The following C8orf74 variants were observed in gnomAD, a reference collection of about 807,000 sequenced individuals.
The protein encoded by C8orf74 is uncharacterized protein C8orf74.
A neutral mutation model predicts 22.2 loss-of-function variants in C8orf74; 29 were observed. The observed-to-expected ratio is 1.31, with a 90% confidence interval of 0.97 to 1.78. C8orf74 has a LOEUF of 1.78. Ranked by LOEUF, C8orf74 falls within the 40% of genes most tolerant of loss-of-function variation. The probability of loss-of-function intolerance (pLI) is 0.00; values close to 1 mark genes in which losing one functional copy is unlikely to be tolerated. For missense variants in C8orf74, 515 were observed against 369.9 expected (o/e 1.39, Z -3.22); for synonymous variants, 255 against 163.1 (o/e 1.56, Z -4.30).
intron 2 of C8orf74, among the ~76,000 whole-genome samples, chr8:10,696,446 T>C (rs60771776): frequency 6.7e-4 from 79 of 117,340 alleles, no homozygotes; most frequent in South Asian, 1.6e-3. Context: ...CTTTTCTTTT[T>C]TTTTTTTTTT....
chr8:10,686,245 G>T (rs1481172783), intron 2 of C8orf74, among the ~76,000 whole-genome samples: 3 of 152,150 alleles, frequency 2.0e-5, no homozygotes, highest in Non-Finnish European at 4.4e-5. Flanking sequence ...CTTGGAGTTG[G>T]AGGATCTGGA....
chr8:10,690,462 C>A (rs1236756479), intron 2 of C8orf74, among the ~76,000 whole-genome samples: 1 of 152,132 alleles, frequency 6.6e-6, no homozygotes, highest in Non-Finnish European at 1.5e-5. Context: ...GATGCTGGGC[C>A]CTTGCTTTCG....
At chr8:10,681,200 C>T (rs1428451519) in intron 2 of C8orf74, among the ~76,000 whole-genome samples, 2 of 152,100 alleles carry the variant, frequency 1.3e-5, no homozygotes, top group African/African-American at 2.4e-5. Context: ...TCAAAAGCTT[C>T]AGCTGGCTCT....
At chr8:10,699,674 C>A (rs1385699749) in intron 3 of C8orf74, among the ~76,000 whole-genome samples, 2 of 152,216 alleles carry the variant, frequency 1.3e-5, no homozygotes, top group Non-Finnish European at 2.9e-5. Context: ...CTTCCTATGG[C>A]TGGCTGGGTG....
At chr8:10,694,719 A>T (rs1047534324) in intron 2 of C8orf74, among the ~76,000 whole-genome samples, 1 of 152,238 alleles carries the variant, frequency 6.6e-6, no homozygotes, top group African/African-American at 2.4e-5. Context: ...TTCTTTTGGC[A>T]TAGTGAATTG....
At chr8:10,693,237 G>A (rs985283245) in intron 2 of C8orf74, among the ~76,000 whole-genome samples, 4 of 152,158 alleles carry the variant, frequency 2.6e-5, no homozygotes, top group Non-Finnish European at 4.4e-5. Flanking sequence ...TGCACAAGCT[G>A]CTCCCCCTCT....
intron 1 of C8orf74, among the ~76,000 whole-genome samples, chr8:10,673,004 C>T (rs912233856): frequency 1.3e-5 from 2 of 152,068 alleles, no homozygotes. Flanking sequence ...GAGGGTCCTG[C>T]GAGCCACTGT....
At chr8:10,679,770 T>C (rs1799109250) in intron 2 of C8orf74, 1 of 152,382 alleles carries the variant, frequency 6.6e-6, no homozygotes, top group African/African-American at 2.4e-5. Flanking sequence ...CCCTTCCCTG[T>C]GATGTCTGCG....
intron 2 of C8orf74, among the ~76,000 whole-genome samples, chr8:10,683,429 A>C (rs1799193992): frequency 6.6e-6 from 1 of 152,192 alleles, no homozygotes; most frequent in African/African-American, 2.4e-5. Flanking sequence ...CTTACTGGTC[A>C]GCCTTGGAGC....
intron 2 of C8orf74, among the ~76,000 whole-genome samples, chr8:10,677,866 C>T (rs1011661818): frequency 6.6e-5 from 10 of 152,144 alleles, no homozygotes; most frequent in African/African-American, 1.9e-4. Context: ...CACTAAAGCC[C>T]GTAACCATTT....
chr8:10,700,063 C>T (rs935602676), intron 3 of C8orf74, among the ~76,000 whole-genome samples, 172 bp from the exon 4 acceptor site: 2 of 152,210 alleles, frequency 1.3e-5, no homozygotes, highest in African/African-American at 4.8e-5. Flanking sequence ...CCTCCCGCCC[C>T]TAGTTGGCTG....
chr8:10,692,131 C>G (rs1799394565), intron 2 of C8orf74: 1 of 152,312 alleles, frequency 6.6e-6, no homozygotes, highest in African/African-American at 2.4e-5. Flanking sequence ...CAATTGATGG[C>G]AGGCCTGCAC....
Position 10,697,974 on chromosome 8 carries a change from C to T in C8orf74, c.617C>T (p.Pro206Leu). The T allele has an allele frequency of 1.3e-6, 2 of 1,515,338 alleles. No homozygotes were observed. Among genetic ancestry groups the T allele is most frequent in the South Asian group, 1.3e-5 (1 of 78,766 alleles). 93.9% of individuals were successfully genotyped at this position (1,515,338 alleles called of 1,614,324 possible). Residue 206 changes from proline (P) to leucine (L), a missense_variant, in exon 3 of 4, where the codon CCT becomes CTT. Pro to Leu is a moderately conservative substitution (Grantham distance 98). Transcript: ENST00000304519. ...SLQKAFAAAA[P>L]AQPGQVLERQ... ...CAGAAGGCGTTCGCTGCCGCCGCGC[C>T]TGCGCAGCCCGGCCAGGTCCTGGAG...
In C8orf74 at chr8:10,687,644, G is replaced by C. The variant is rs548061418; in HGVS notation, c.242-9955G>C. Among the ~76,000 whole-genome samples, 218 of 148,710 alleles carry C rather than the reference G, an allele frequency of 1.5e-3. 4 individuals are homozygous for C. The Middle Eastern group carries it at 0.024, about 17-fold the overall frequency. On this transcript the variant is annotated intron_variant, in intron 2 of 3. Coordinates refer to ENST00000304519, the MANE Select transcript of C8orf74 (RefSeq NM_001040032.2). ...AAAAAAAAAAAAAAAAAAAGAAAGA[G>C]ATTGTATTAGAAAAACTGCTTCCAG...
rs368483018 is a variant in C8orf74, at chr8:10,672,670, C to T, written c.5C>T (p.Ala2Val). M[A>V]LLTPQGVKEV... is the part of the protein sequence containing the mutation. Reference sequence around the variant, plus strand: ...TGGCAACCAGATGCAGGGGCCATGGCACTCTTAACACCCCAGGGAGTGAAA... The same window carrying T: ...TGGCAACCAGATGCAGGGGCCATGGTACTCTTAACACCCCAGGGAGTGAAA... The change falls in exon 1 of 4, where the codon GCA becomes GTA. Residue 2 changes from alanine (A) to valine (V), a missense_variant. Transcript: ENST00000304519. The T allele has an allele frequency of 9.6e-6, 15 of 1,565,088 alleles. No homozygotes were observed. In the South Asian group the frequency reaches 1.5e-4, roughly 16 times the overall value.
chr8:10,692,168 G>C (rs1008983879), intron 2 of C8orf74: 2 of 152,366 alleles, frequency 1.3e-5, no homozygotes, highest in African/African-American at 4.8e-5. Context: ...CTGAGTGAAA[G>C]GACAGGAAGG....
intron 2 of C8orf74, among the ~76,000 whole-genome samples, chr8:10,693,953 G>A (rs901444388): frequency 1.3e-5 from 2 of 152,146 alleles, no homozygotes; most frequent in Admixed American, 6.5e-5. Context: ...AGGTGCCAAC[G>A]ACAACAAGCC....
At chr8:10,694,982 G>A (rs989843726) in intron 2 of C8orf74, among the ~76,000 whole-genome samples, 3 of 151,710 alleles carry the variant, frequency 2.0e-5, no homozygotes, top group African/African-American at 7.3e-5. Flanking sequence ...ATGGATGGAT[G>A]GATAAGTGGA....
At chr8:10,689,813 A>G (rs1218649486) in intron 2 of C8orf74, 1 of 152,240 alleles carries the variant, frequency 6.6e-6, no homozygotes, top group East Asian at 1.9e-4. Context: ...ATTAAGCGGA[A>G]GTGGATTATC....
Sources: gnomAD v4.1 joint callset for allele counts (sites outside exome capture counted in the v4.1 genomes callset) on GRCh38, gnomAD v4.1.1 for gene constraint, MANE v1.5 for transcripts, NCBI Gene and HGNC (gene_info 2026-07-23, HGNC 2026-07-21) for gene names.